The following SPECC1 variants were observed in gnomAD, a reference collection of about 807,000 sequenced individuals.
The protein encoded by SPECC1 is cytospin-B.
Under a neutral mutation model 104.1 loss-of-function variants are expected in SPECC1, and 62 were observed. That is an observed-to-expected ratio of 0.60 (90% confidence interval 0.49 to 0.74). SPECC1 has a LOEUF of 0.74. SPECC1 is among the 30% of genes least tolerant of loss of function. The probability of loss-of-function intolerance (pLI) is 0.00; values close to 1 mark genes in which losing one functional copy is unlikely to be tolerated. For synonymous variants in SPECC1, 513 were observed against 501.6 expected (o/e 1.02, Z -0.30); for missense variants, 1,306 against 1,310.5 (o/e 1.00, Z 0.05).
rs762643888 is a variant in SPECC1, at chr17:20,317,259, ATTTT to A, written c.*3212_*3215del. On this transcript the variant is annotated 3_prime_UTR_variant, in exon 15 of 15. Coordinates refer to ENST00000395527, the MANE Select transcript of SPECC1 (RefSeq NM_001243439.2). ...GCAAGACCTCTGACTCTATAAAAAA[ATTTT>A]TTTTTTTTTTTTTTTTTGAGAGAGC... 20 of 69,658 alleles carry A rather than the reference ATTTT, an allele frequency of 2.9e-4. No homozygotes were observed. The highest frequency in any genetic ancestry group is 1.1e-3 in the African/African-American group (14 of 12,860). The allele number at this position is 69,658 out of a possible 1,614,324, so 4.3% of individuals were successfully genotyped here.
At chr17:20,121,045 A>G (rs1028230008) in intron 3 of SPECC1, among the ~76,000 whole-genome samples, 4 of 152,124 alleles carry the variant, frequency 2.6e-5, no homozygotes, top group African/African-American at 4.8e-5. Context: ...CTCTGGGGCT[A>G]TGCCAAAGTT....
intron 3 of SPECC1, among the ~76,000 whole-genome samples, chr17:20,120,562 T>G (rs1245447576): frequency 1.3e-5 from 2 of 152,192 alleles, no homozygotes; most frequent in East Asian, 3.8e-4. Flanking sequence ...GGAAATTTCT[T>G]TTCACAGGAA....
chr17:20,145,319 T>G (rs1020781472), intron 3 of SPECC1, among the ~76,000 whole-genome samples: 4 of 152,212 alleles, frequency 2.6e-5, no homozygotes, highest in Non-Finnish European at 5.9e-5. Flanking sequence ...CCACACCGGA[T>G]TCGCTGGATT....
chr17:20,146,940 C>T lies in SPECC1; in HGVS notation c.283+36378C>T, dbSNP rs996001151. On this transcript the variant is annotated intron_variant, in intron 3 of 14. Transcript: ENST00000395527. The stretch of plus-strand genomic sequence containing the variant: ...AAACAAAACAAAACTGACAAACTGT[C>T]TTTCAAAATGGTTGTACCATTTTGC... 2.6e-5 allele frequency among the ~76,000 whole-genome samples: 4 copies of T among 152,142 alleles called. No individual in the cohort carries two copies. The East Asian group carries it at 7.7e-4, about 29-fold the overall frequency.
chr17:20,041,763 A>G (rs1022068481), intron 1 of SPECC1, among the ~76,000 whole-genome samples: 8 of 150,322 alleles, frequency 5.3e-5, no homozygotes, highest in Non-Finnish European at 1.2e-4. Context: ...AGCTGGGACT[A>G]CAGGTGCCCA....
intron 7 of SPECC1, among the ~76,000 whole-genome samples, chr17:20,245,586 A>G (rs2039387755): frequency 6.6e-6 from 1 of 152,146 alleles, no homozygotes; most frequent in Non-Finnish European, 1.5e-5. Context: ...CAGTAGGTGA[A>G]ATATTTATGG....
At chr17:20,046,530 G>A (rs578039803) in intron 1 of SPECC1, among the ~76,000 whole-genome samples, 1 of 152,202 alleles carries the variant, frequency 6.6e-6, no homozygotes, top group Admixed American at 6.5e-5. Flanking sequence ...GTACTAGAGG[G>A]GGTGGCAAAC....
intron 3 of SPECC1, among the ~76,000 whole-genome samples, chr17:20,200,813 C>G (rs1340562291): frequency 6.6e-6 from 1 of 151,418 alleles, no homozygotes; most frequent in African/African-American, 2.4e-5. Flanking sequence ...CTGAACCTAA[C>G]CTGTGCTCTG....
intron 3 of SPECC1, among the ~76,000 whole-genome samples, chr17:20,132,555 C>CT (rs148375212): frequency 0.052 from 7,217 of 138,254 alleles, 197 homozygotes; most frequent in Middle Eastern, 0.073. Context: ...TTTTTTTTGG[C>CT]TTTTTTTTTT....
Position 20,014,111 on chromosome 17 carries a change from C to T in SPECC1, c.-22+4687C>T, listed in dbSNP as rs151188544. Among the ~76,000 whole-genome samples the T allele has an allele frequency of 5.3e-4, 81 of 152,332 alleles. 1 individual carries two copies. In the East Asian group the frequency reaches 7.0e-3, roughly 13 times the overall value. On this transcript the variant is annotated intron_variant, in intron 1 of 14. Coordinates refer to ENST00000395527, the MANE Select transcript of SPECC1 (RefSeq NM_001243439.2). ...GAAGTATATGTGGTTGCTCCACATT[C>T]TTGCCAACTCTTGGTAATTTCTGTC...
intron 3 of SPECC1, among the ~76,000 whole-genome samples, chr17:20,153,889 G>A (rs2032230762): frequency 2.0e-5 from 3 of 152,152 alleles, no homozygotes; most frequent in Non-Finnish European, 4.4e-5. Flanking sequence ...AAAAGGGGAG[G>A]GAGTTGCACT....
intron 3 of SPECC1, among the ~76,000 whole-genome samples, chr17:20,143,167 C>A (rs568229680): frequency 8.3e-6 from 1 of 120,752 alleles, no homozygotes; most frequent in African/African-American, 3.2e-5. Context: ...CAGGAATATT[C>A]TTTATAGGAA....
At chr17:20,167,748 A>G (rs895394204) in intron 3 of SPECC1, among the ~76,000 whole-genome samples, 9 of 152,220 alleles carry the variant, frequency 5.9e-5, no homozygotes, top group African/African-American at 1.9e-4. Flanking sequence ...AGTTTTTCAT[A>G]TATGAGAAAA....
At chr17:20,054,854 T>C (rs1187755957) in intron 1 of SPECC1, among the ~76,000 whole-genome samples, 3 of 152,140 alleles carry the variant, frequency 2.0e-5, no homozygotes, top group Non-Finnish European at 4.4e-5. Context: ...GGTTTCACCA[T>C]GTTACCCAGG....
intron 1 of SPECC1, among the ~76,000 whole-genome samples, chr17:20,083,023 T>G (rs2047044198): frequency 6.6e-6 from 1 of 151,892 alleles, no homozygotes; most frequent in Non-Finnish European, 1.5e-5. Context: ...CATCTAAAAA[T>G]AGTACTAAGA....
At chr17:20,303,731 T>C (rs1567621052) in intron 13 of SPECC1, among the ~76,000 whole-genome samples, 1 of 152,120 alleles carries the variant, frequency 6.6e-6, no homozygotes, top group Non-Finnish European at 1.5e-5. Context: ...GACAGGCGGA[T>C]CACCTGAGGT....
At position 20,152,707 on chromosome 17, in the gene SPECC1, C is replaced by T. The variant is rs138090685; in HGVS notation, c.283+42145C>T. Among the ~76,000 whole-genome samples, 670 of 152,278 alleles carry T rather than the reference C, an allele frequency of 4.4e-3. 4 individuals carry two copies. Among genetic ancestry groups the T allele is most frequent in the African/African-American group, 0.015 (629 of 41,556 alleles). Reference sequence around the variant, plus strand: ...TTGTTTTTTGAGATGGAGTCTTGCTCTGTTGCCAGGCTGGAGTACAATGGT... The same window carrying T: ...TTGTTTTTTGAGATGGAGTCTTGCTTTGTTGCCAGGCTGGAGTACAATGGT... On this transcript the variant is annotated intron_variant, in intron 3 of 14. Transcript: ENST00000395527.
intron 7 of SPECC1, among the ~76,000 whole-genome samples, chr17:20,245,358 A>G (rs1335740761): frequency 6.6e-6 from 1 of 152,164 alleles, no homozygotes; most frequent in Admixed American, 6.5e-5. Flanking sequence ...TCTCTGCTAC[A>G]GTCTCTGTCT....
Position 20,205,072 on chromosome 17 carries a change from G to A in SPECC1, c.1023G>A (p.Arg341=), listed in dbSNP as rs1197730882. The A allele has an allele frequency of 6.2e-7, 1 of 1,614,046 alleles. No individual in the cohort carries two copies. Among genetic ancestry groups the A allele is most frequent in the East Asian group, 2.2e-5 (1 of 44,902 alleles). The change falls in exon 4 of 15, where the codon AGG becomes AGA. Residue 341 remains arginine, a synonymous_variant. Coordinates refer to ENST00000395527, the MANE Select transcript of SPECC1 (RefSeq NM_001243439.2). ...ACATTACAGCAGAGACACCCTCAAG[G>A]CCCCTGTCCTCCACCAGTAACCCCT... ...FEHITAETPS[R]PLSSTSNPFK... is the part of the protein sequence containing the mutation.
Sources: allele counts gnomAD v4.1 joint callset (sites outside exome capture counted in the v4.1 genomes callset), GRCh38; gene constraint gnomAD v4.1.1; transcripts MANE v1.5; gene names NCBI Gene and HGNC (gene_info 2026-07-23, HGNC 2026-07-21).